ASAP1: variants seen among roughly 807,000 people sequenced by gnomAD.
The protein encoded by ASAP1 is ArfGAP with SH3 domain, ankyrin repeat and PH domain 1.
In ASAP1, 43 loss-of-function variants were observed where a neutral mutation model predicts 145.2. The ratio of observed to expected loss-of-function variants is 0.30; its 90% CI spans 0.23 to 0.38. The LOEUF (loss-of-function observed/expected upper bound fraction) is 0.38, where lower values mean the gene tolerates loss of function less well. Ranked by LOEUF, ASAP1 falls within the 10% of genes least tolerant of loss-of-function variation. The pLI is 1.00. For missense variants in ASAP1, 1,018 were observed against 1,355.3 expected, an observed-to-expected ratio of 0.75 and a Z score of 3.91; for synonymous variants, 546 against 515.5, an observed-to-expected ratio of 1.06 and a Z score of -0.80.
intron 4 of ASAP1, among the ~76,000 whole-genome samples, chr8:130,227,102 A>G (rs1053541941): frequency 1.4e-4 from 21 of 152,186 alleles, no homozygotes; most frequent in African/African-American, 3.9e-4. Flanking sequence ...GGCCTTGGGT[A>G]CCACCTTTAA....
At chr8:130,222,936 G>C (rs1817379667) in intron 4 of ASAP1, among the ~76,000 whole-genome samples, 1 of 152,116 alleles carries the variant, frequency 6.6e-6, no homozygotes, top group Admixed American at 6.5e-5. Flanking sequence ...CAGATGCCAA[G>C]TGATTGAGAA....
intron 15 of ASAP1, among the ~76,000 whole-genome samples, chr8:130,128,471 T>C (rs2097578592): frequency 6.6e-6 from 1 of 151,838 alleles, no homozygotes; most frequent in South Asian, 2.1e-4. Flanking sequence ...AATGCAAGGA[T>C]GAGAAAGAAA....
chr8:130,361,946 A>G (rs1008131420), intron 2 of ASAP1, among the ~76,000 whole-genome samples: 3 of 152,158 alleles, frequency 2.0e-5, no homozygotes, highest in African/African-American at 7.2e-5. Flanking sequence ...CGCCATTATA[A>G]TAAGACTGTT....
intron 1 of ASAP1, among the ~76,000 whole-genome samples, chr8:130,435,956 T>C (rs763688445): frequency 1.2e-4 from 18 of 152,212 alleles, no homozygotes; most frequent in Non-Finnish European, 2.2e-4. Context: ...AGCATAATAC[T>C]GCTCTGTGGA....
chr8:130,297,380 G>A (rs535179480), intron 3 of ASAP1, among the ~76,000 whole-genome samples: 2 of 152,312 alleles, frequency 1.3e-5, no homozygotes, highest in Admixed American at 1.3e-4. Flanking sequence ...ATCCACGTTT[G>A]GCTGAAGAAA....
chr8:130,152,160 G>A (rs2135953987), intron 13 of ASAP1, among the ~76,000 whole-genome samples: 2 of 152,284 alleles, frequency 1.3e-5, no homozygotes, highest in African/African-American at 4.8e-5. Context: ...CTTGGCACAG[G>A]ATACTGTAAT....
intron 14 of ASAP1, 90 bp downstream of exon 14, chr8:130,136,861 C>G: frequency 2.8e-6 from 3 of 1,081,806 alleles, no homozygotes; most frequent in Non-Finnish European, 4.3e-6. Flanking sequence ...TGTGAGGAGC[C>G]CTGCTTGGAA....
intron 1 of ASAP1, among the ~76,000 whole-genome samples, chr8:130,408,424 C>T (rs1375689158): frequency 6.6e-6 from 1 of 152,098 alleles, no homozygotes. Flanking sequence ...CTGGGACATG[C>T]ATCTTCTTTT....
At chr8:130,416,655 A>C (rs910684393) in intron 1 of ASAP1, among the ~76,000 whole-genome samples, 10 of 152,236 alleles carry the variant, frequency 6.6e-5, no homozygotes, top group African/African-American at 2.4e-4. Flanking sequence ...ATGACAGAGA[A>C]CTACAAGGAA....
rs1317682286 is a variant in ASAP1, at chr8:130,358,843, C to T, written c.60-700G>A. Among the ~76,000 whole-genome samples, 1 of 151,774 alleles carries T rather than the reference C, an allele frequency of 6.6e-6. No homozygotes were observed. The highest frequency in any genetic ancestry group is 2.4e-5 in the African/African-American group (1 of 41,336). ...GCGCGGCACGGGGGCTCCGGAAGCCCGAGTCCCTGGTTCGCCCCCGGAGCG... is the reference window on the plus strand; with the variant it reads ...GCGCGGCACGGGGGCTCCGGAAGCCTGAGTCCCTGGTTCGCCCCCGGAGCG... On this transcript the variant is annotated intron_variant, in intron 2 of 29. Coordinates refer to ENST00000518721, the MANE Select transcript of ASAP1 (RefSeq NM_018482.4). The surrounding 1 kb of genome is among the most constrained non-coding windows in gnomAD (Gnocchi z 4.1).
intron 3 of ASAP1, among the ~76,000 whole-genome samples, chr8:130,338,584 G>C (rs1825183589): frequency 1.3e-5 from 2 of 152,174 alleles, no homozygotes; most frequent in South Asian, 4.1e-4. Flanking sequence ...AGCTAGTCAT[G>C]CATCTGTGTG....
At chr8:130,404,630 C>T (rs2138595345) in intron 1 of ASAP1, among the ~76,000 whole-genome samples, 1 of 152,334 alleles carries the variant, frequency 6.6e-6, no homozygotes, top group African/African-American at 2.4e-5. Context: ...AGTGGAGCAG[C>T]TGAGTTAGTA....
chr8:130,217,742 T>G (rs1233938794), intron 4 of ASAP1, among the ~76,000 whole-genome samples: 1 of 152,198 alleles, frequency 6.6e-6, no homozygotes, highest in East Asian at 1.9e-4. Context: ...AAGCATCCCT[T>G]TCTGAAATAG....
rs578083940 is a variant in ASAP1, at chr8:130,145,872, C to T, written c.1080+6864G>A. On this transcript the variant is annotated intron_variant, in intron 13 of 29. Transcript: ENST00000518721. ...TTTTTTTTTTTTTGAGATGGGGTCT[C>T]ACTCTGTCGCCCAGGGTGGGGTACG... Among the ~76,000 whole-genome samples, 7 of 149,208 alleles carry T rather than the reference C, an allele frequency of 4.7e-5. No individual in the cohort carries two copies. The South Asian group carries it at 1.5e-3, about 32-fold the overall frequency.
At chr8:130,205,020 C>A (rs1586588450) in intron 5 of ASAP1, among the ~76,000 whole-genome samples, 1 of 152,270 alleles carries the variant, frequency 6.6e-6, no homozygotes, top group Admixed American at 6.5e-5. Flanking sequence ...GAGACCAGCT[C>A]TTTTATCAAA....
intron 7 of ASAP1, 90 bp from the exon 8 acceptor site, chr8:130,180,970 G>C (rs1409406508): frequency 7.9e-7 from 1 of 1,262,068 alleles, no homozygotes; most frequent in African/African-American, 1.5e-5. Context: ...CTATGGATTT[G>C]GGGTGACGAT....
chr8:130,223,353 T>C (rs944866654), intron 4 of ASAP1, among the ~76,000 whole-genome samples: 4 of 152,206 alleles, frequency 2.6e-5, no homozygotes, highest in African/African-American at 7.2e-5. Flanking sequence ...ACTTAACTTA[T>C]GTGGGCCTCA....
rs149353384 is a variant in ASAP1 at position 130,394,436 on chromosome 8, G to A, written c.59+7449C>T. 3.3e-5 allele frequency among the ~76,000 whole-genome samples: 5 copies of A among 152,180 alleles called. 1 individual carries two copies. The highest frequency in any genetic ancestry group is 4.2e-4 in the South Asian group (2 of 4,814). On this transcript the variant is annotated intron_variant, in intron 2 of 29. Transcript: ENST00000518721. Reference sequence around the variant, plus strand: ...CCGCCTAATAAATTTTGGTCAGACCGGTTGCTCTCAAACATGTTATCAATG... The same window carrying A: ...CCGCCTAATAAATTTTGGTCAGACCAGTTGCTCTCAAACATGTTATCAATG...
At chr8:130,063,057 G>C (rs1259793439) in intron 27 of ASAP1, among the ~76,000 whole-genome samples, 1 of 152,064 alleles carries the variant, frequency 6.6e-6, no homozygotes, top group Non-Finnish European at 1.5e-5. Context: ...TTTTTATTAT[G>C]TGAAAAATAT....
Sources: allele counts gnomAD v4.1 joint callset (sites outside exome capture counted in the v4.1 genomes callset), GRCh38; gene constraint gnomAD v4.1.1; non-coding constraint Gnocchi (gnomAD v3.1); transcripts MANE v1.5; gene names NCBI Gene and HGNC (gene_info 2026-07-23, HGNC 2026-07-21).